The following PRSS23 variants were observed in gnomAD, a reference collection of about 807,000 sequenced individuals.
PRSS23 encodes the protein protease, serine 23.
In PRSS23, 25 loss-of-function variants were observed where a neutral mutation model predicts 34.7. The ratio of observed to expected loss-of-function variants is 0.72; its 90% CI spans 0.53 to 1.01. The LOEUF (loss-of-function observed/expected upper bound fraction) is 1.01, where lower values mean the gene tolerates loss of function less well. Ranked by LOEUF, PRSS23 falls within the 50% of genes least tolerant of loss-of-function variation. The pLI, the probability that PRSS23 is intolerant of heterozygous loss-of-function variation, is 0.00. For synonymous variants in PRSS23, 176 were observed against 186.6 expected (o/e 0.94, Z 0.46); for missense variants, 445 against 475.6 (o/e 0.94, Z 0.60).
chr11:86,895,477 CTTTT>C (rs71040269), intron 2 of PRSS23, among the ~76,000 whole-genome samples: 1 of 86,634 alleles, frequency 1.2e-5, no homozygotes, highest in African/African-American at 4.5e-5. Flanking sequence ...TTATTTTATC[CTTTT>C]TTTTTTTTTT....
intron 2 of PRSS23, among the ~76,000 whole-genome samples, chr11:86,885,595 A>G (rs1948797492): frequency 6.6e-6 from 1 of 152,230 alleles, no homozygotes; most frequent in South Asian, 2.1e-4. Flanking sequence ...CCCTTGAGCA[A>G]AAAGCAATTC....
chr11:86,865,246 C>T (rs1291608554), intron 2 of PRSS23, among the ~76,000 whole-genome samples: 1 of 152,210 alleles, frequency 6.6e-6, no homozygotes, highest in African/African-American at 2.4e-5. Flanking sequence ...GGTTTCAATT[C>T]CCAGTTCTAC....
intron 2 of PRSS23, among the ~76,000 whole-genome samples, chr11:86,926,180 T>C (rs1433847090): frequency 1.3e-5 from 2 of 152,136 alleles, no homozygotes; most frequent in Non-Finnish European, 2.9e-5. Flanking sequence ...CTGACCAATA[T>C]GGTGAAACCC....
chr11:86,850,972 G>C (rs1948524431), intron 2 of PRSS23, among the ~76,000 whole-genome samples: 1 of 152,138 alleles, frequency 6.6e-6, no homozygotes, highest in African/African-American at 2.4e-5. Context: ...ACCCATTCGG[G>C]ACCCCTTCCA....
At chr11:86,882,241 G>A (rs1192793001) in intron 2 of PRSS23, among the ~76,000 whole-genome samples, 1 of 152,108 alleles carries the variant, frequency 6.6e-6, no homozygotes, top group East Asian at 1.9e-4. Context: ...ACATGTGCAG[G>A]ATGTGTAGGT....
chr11:86,865,425 C>G (rs12797019), intron 2 of PRSS23, among the ~76,000 whole-genome samples: 18,311 of 152,178 alleles, frequency 0.12, 1,234 homozygotes, highest in East Asian at 0.15. Flanking sequence ...CACTGTCACT[C>G]TGATGTTGTT....
chr11:86,868,295 G>A (rs1321417335), intron 2 of PRSS23, among the ~76,000 whole-genome samples: 1 of 152,180 alleles, frequency 6.6e-6, no homozygotes, highest in East Asian at 1.9e-4. Context: ...GAGTGAGAAA[G>A]AGAAAACTGT....
At chr11:86,831,198 G>A (rs1444015578) in intron 2 of PRSS23, among the ~76,000 whole-genome samples, 2 of 151,938 alleles carry the variant, frequency 1.3e-5, no homozygotes, top group Admixed American at 6.6e-5. Flanking sequence ...TACACCCTGC[G>A]ATATTATTCA....
intron 2 of PRSS23, chr11:86,950,570 T>C (rs564834060): frequency 1.7e-4 from 28 of 166,838 alleles, no homozygotes; most frequent in African/African-American, 6.7e-4. Flanking sequence ...CTAACACCAC[T>C]TCTTGGGAGT....
chr11:86,919,154 G>A (rs898281474), intron 2 of PRSS23, among the ~76,000 whole-genome samples: 1 of 152,144 alleles, frequency 6.6e-6, no homozygotes, highest in African/African-American at 2.4e-5. Flanking sequence ...AAGCAGCGGG[G>A]CCCAGAAATT....
At chr11:86,800,896 G>A (rs1948028706) in intron 1 of PRSS23, among the ~76,000 whole-genome samples, 1 of 152,158 alleles carries the variant, frequency 6.6e-6, no homozygotes. Flanking sequence ...TGAAACGGAT[G>A]GGGAAAGAAG....
chr11:86,873,457 G>C (rs1419732004), intron 2 of PRSS23, among the ~76,000 whole-genome samples: 1 of 151,584 alleles, frequency 6.6e-6, no homozygotes, highest in Non-Finnish European at 1.5e-5. Flanking sequence ...TTGTGTGTGT[G>C]TTTTTAGTAG....
chr11:86,942,311 C>T (rs1283394948), intron 2 of PRSS23, among the ~76,000 whole-genome samples: 2 of 152,198 alleles, frequency 1.3e-5, no homozygotes, highest in African/African-American at 2.4e-5. Context: ...AAGGAAACAA[C>T]GCATATGCAA....
intron 2 of PRSS23, among the ~76,000 whole-genome samples, chr11:86,938,301 A>G (rs1949177938): frequency 6.6e-6 from 1 of 152,224 alleles, no homozygotes; most frequent in African/African-American, 2.4e-5. Flanking sequence ...GAGGTGCCCT[A>G]AAGGAAGGTG....
chr11:86,824,330 A>AAAAACAAAATAAAATAAAATAAAAT (rs1948279990), intron 2 of PRSS23, among the ~76,000 whole-genome samples: 1 of 133,150 alleles, frequency 7.5e-6, no homozygotes, highest in African/African-American at 2.9e-5. Context: ...AAATAAAAAT[A>AAAAACAAAATAAAATAAAATAAAAT]AAAATAAAAT....
At chr11:86,818,195 A>G (rs1948227166) in intron 1 of PRSS23, among the ~76,000 whole-genome samples, 1 of 152,238 alleles carries the variant, frequency 6.6e-6, no homozygotes. Flanking sequence ...TTACATACCT[A>G]AAAACTTTGT....
At position 86,851,912 on chromosome 11, in the gene PRSS23, T is replaced by TG. The variant is rs533608624; in HGVS notation, c.206+28326dup. On this transcript the variant is annotated intron_variant, in intron 2 of 2. Coordinates refer to the PRSS23 transcript ENST00000533902. ...TGTCTATGAAAAGGACAACCATTGG[T>TG]GGGGGGGAAGCAAAATTTTGAATAA... 2.8e-3 allele frequency among the ~76,000 whole-genome samples: 419 copies of TG among 152,116 alleles called. 5 individuals are homozygous for TG. The highest frequency in any genetic ancestry group is 0.01 in the Middle Eastern group (3 of 294).
chr11:86,805,434 A>T (rs1402602741), intron 1 of PRSS23, among the ~76,000 whole-genome samples: 6 of 152,218 alleles, frequency 3.9e-5, no homozygotes, highest in African/African-American at 1.4e-4. Context: ...CCCAACAAGC[A>T]CATACAAACA....
chr11:86,839,792 A>G (rs1948433950), intron 2 of PRSS23, among the ~76,000 whole-genome samples: 2 of 151,306 alleles, frequency 1.3e-5, no homozygotes, highest in African/African-American at 2.4e-5. Flanking sequence ...GTGGGGGCCA[A>G]TATTCAGCAT....
Sources: allele counts gnomAD v4.1 joint callset (sites outside exome capture counted in the v4.1 genomes callset), GRCh38; gene constraint gnomAD v4.1.1; transcripts MANE v1.5; gene names NCBI Gene and HGNC (gene_info 2026-07-23, HGNC 2026-07-21).